MESD: variants seen among roughly 807,000 people sequenced by gnomAD.
MESD encodes the protein LRP chaperone MESD.
Under a neutral mutation model 12.9 loss-of-function variants are expected in MESD, and 7 were observed. That is an observed-to-expected ratio of 0.54 (90% CI 0.31 to 1.02). The LOEUF is 1.02. Ranked by LOEUF, MESD falls within the 50% of genes least tolerant of loss-of-function variation. MESD has a pLI of 0.05. For missense variants in MESD, 342 were observed against 296.7 expected (o/e 1.15, Z -1.12); for synonymous variants, 126 against 115.6 (o/e 1.09, Z -0.58).
At chr15:80,971,709 C>T (rs1902292266), downstream of MESD, among the ~76,000 whole-genome samples, 1 of 152,152 alleles carries the variant, frequency 6.6e-6, no homozygotes, top group African/African-American at 2.4e-5. Context: ...TCACTGCAGC[C>T]TCTATCTCTC....
rs201048326 is a variant in MESD at position 80,948,850 on chromosome 15, C to A, written c.*675G>T. ...CAGCTTCCGGCCCATCTGGGTGACA[C>A]TGGACACTGAGGATCACAAAGCCAA... On this transcript the variant is annotated 3_prime_UTR_variant, in exon 5 of 5. Transcript: ENST00000561312. The A allele has an allele frequency of 1.3e-5, 21 of 1,614,226 alleles. No homozygotes were observed. The African/African-American group carries it at 1.5e-4, about 11-fold the overall frequency.
At chr15:80,948,786 T>C (rs753616170) in exon 5 of MESD, 1 of 1,614,078 alleles carries the variant, frequency 6.2e-7, no homozygotes, top group Non-Finnish European at 8.5e-7. Context: ...AGACTCATCA[T>C]TGCTTTTCAG....
intron 3 of MESD, chr15:80,953,044 T>A: frequency 2.2e-6 from 1 of 455,536 alleles, no homozygotes; most frequent in South Asian, 1.5e-5. Context: ...GGCCTGAGAG[T>A]CAGAGATGGA....
intron 1 of MESD, among the ~76,000 whole-genome samples, chr15:80,985,002 G>A (rs180989978): frequency 9.9e-5 from 15 of 152,274 alleles, no homozygotes; most frequent in East Asian, 3.9e-4. Flanking sequence ...GAATCCTTAC[G>A]CCTCGAGGCC....
At chr15:80,972,102 A>C (rs1485234933), downstream of MESD, among the ~76,000 whole-genome samples, 1 of 152,236 alleles carries the variant, frequency 6.6e-6, no homozygotes, top group East Asian at 1.9e-4. Flanking sequence ...TGGGGACTTT[A>C]CACATGTGCT....
chr15:80,946,873 A>C, downstream of MESD: 1 of 828,694 alleles, frequency 1.2e-6, no homozygotes, highest in Admixed American at 2.0e-5. Context: ...TGCTAACTCC[A>C]GTCCCACCAT....
intron 3 of MESD, among the ~76,000 whole-genome samples, chr15:80,952,506 T>C (rs758999922): frequency 6.6e-6 from 1 of 152,252 alleles, no homozygotes; most frequent in East Asian, 1.9e-4. Flanking sequence ...GGCTACCATA[T>C]AGGATAGAGT....
downstream of MESD, among the ~76,000 whole-genome samples, chr15:80,974,823 A>G (rs1472587452): frequency 6.6e-6 from 1 of 151,008 alleles, no homozygotes; most frequent in Non-Finnish European, 1.5e-5. Flanking sequence ...CATAAGTAAA[A>G]AGGAGCTGAA....
In MESD at chr15:80,989,650, G is replaced by A. The variant is rs768816243; in HGVS notation, c.142C>T (p.Pro48Ser). The stretch of plus-strand genomic sequence containing the variant: ...CGAATATCCTTCTTCTTCTTCCGGG[G>A]AGGTGGGGTAGACTCGTCGGGCGTC... The part of the protein sequence containing the change: ...PGTPDESTPP[P>S]RKKKKDIRDY... Residue 48 changes from proline to serine, a missense_variant, in exon 1 of 3, where the codon CCC (proline) becomes TCC (serine). Pro to Ser is a moderately conservative substitution (Grantham distance 74). Coordinates refer to ENST00000261758, the MANE Select transcript of MESD (RefSeq NM_015154.3). The A allele has an allele frequency of 1.4e-5, 22 of 1,613,960 alleles. No homozygotes were observed. The highest frequency in any genetic ancestry group is 8.9e-5 in the East Asian group (4 of 44,868).
chr15:80,968,037 T>A (rs923950103), intron 3 of MESD, among the ~76,000 whole-genome samples: 1 of 152,226 alleles, frequency 6.6e-6, no homozygotes, highest in Non-Finnish European at 1.5e-5. Context: ...TGGGACCTCC[T>A]GAAATCTGCC....
chr15:80,984,485 G>C (rs1026157979), intron 1 of MESD, among the ~76,000 whole-genome samples: 1 of 152,158 alleles, frequency 6.6e-6, no homozygotes, highest in African/African-American at 2.4e-5. Context: ...AGTGAAAGAA[G>C]CCAGATATGA....
In MESD at chr15:80,958,489, C is replaced by T. The variant is rs144666490; in HGVS notation, c.*289-6193G>A. The stretch of plus-strand genomic sequence containing the variant: ...GAGACCACAGGCATGCGCCACCACA[C>T]TCAACTAATTTTTTCTATTTTTTGG... On this transcript the variant is annotated intron_variant, in intron 3 of 4. Coordinates refer to the MESD transcript ENST00000561312. 1.4e-3 allele frequency among the ~76,000 whole-genome samples: 209 copies of T among 152,306 alleles called. 1 individual carries two copies. Among genetic ancestry groups the T allele is most frequent in the African/African-American group, 4.6e-3 (191 of 41,580 alleles).
Position 80,989,695 on chromosome 15 carries a change from C to G in MESD, c.97G>C (p.Ala33Pro). The G allele has an allele frequency of 6.2e-7, 1 of 1,612,404 alleles. No homozygotes were observed. The highest frequency in any genetic ancestry group is 8.5e-7 in the Non-Finnish European group (1 of 1,179,998). Residue 33 changes from alanine to proline, a missense_variant, in exon 1 of 3, where the codon GCG becomes CCG. Transcript: ENST00000261758. ...GGCGTCCCGGGCGAGCCTTCGGCCGCGCAGGACCCAGGCGGTGGTAGCAGT... is the reference window on the plus strand; with the variant it reads ...GGCGTCCCGGGCGAGCCTTCGGCCGGGCAGGACCCAGGCGGTGGTAGCAGT... The part of the protein sequence containing the change: ...LLLLPPPGSC[A>P]AEGSPGTPDE...
intron 2 of MESD, among the ~76,000 whole-genome samples, chr15:80,980,631 C>A (rs550162120): frequency 6.6e-6 from 1 of 152,024 alleles, no homozygotes; most frequent in East Asian, 1.9e-4. Flanking sequence ...TTAGGATCAA[C>A]TGAGATATTA....
At chr15:80,954,313 T>C (rs541942532) in intron 3 of MESD, among the ~76,000 whole-genome samples, 1 of 152,368 alleles carries the variant, frequency 6.6e-6, no homozygotes, top group South Asian at 2.1e-4. Flanking sequence ...GGCAGAGTTC[T>C]GTTGGGTAAT....
In MESD at chr15:80,978,005, G is replaced by A. The variant is rs1221841593; in HGVS notation, c.*1214C>T. On this transcript the variant is annotated 3_prime_UTR_variant, in exon 3 of 3. Transcript: ENST00000261758. Reference sequence around the variant, plus strand: ...CAAATTAAGGGGAAACAGATGCTGTGAGGCCAAAACAAACATACATCACCA... The same window carrying A: ...CAAATTAAGGGGAAACAGATGCTGTAAGGCCAAAACAAACATACATCACCA... 6.6e-6 allele frequency: 1 copy of A among 152,172 alleles called. No homozygotes were observed. The highest frequency in any genetic ancestry group is 1.5e-5 in the Non-Finnish European group (1 of 68,046). 9.4% of individuals were successfully genotyped at this position (152,172 alleles called of 1,614,324 possible).
rs769085988 is a variant in MESD, at chr15:80,979,437, C to T, written c.487G>A (p.Asp163Asn). Residue 163 changes from aspartate (D) to asparagine (N), a missense_variant, in exon 3 of 3, where the codon GAT becomes AAT. Asp to Asn is a conservative substitution (Grantham distance 23, BLOSUM62 1). Transcript: ENST00000261758. Reference sequence around the variant, plus strand: ...TTGATCTCCCAGGCGTAGCTCCCATCGCGAAGCATGAAGATAGCACGGTCT... The same window carrying T: ...TTGATCTCCCAGGCGTAGCTCCCATTGCGAAGCATGAAGATAGCACGGTCT... ...GSDRAIFMLR[D>N]GSYAWEIKDF... 6.2e-6 allele frequency: 10 copies of T among 1,614,102 alleles called. No homozygotes were observed. The highest frequency in any genetic ancestry group is 1.7e-5 in the Admixed American group (1 of 60,002).
downstream of MESD, chr15:80,947,000 T>C (rs765380081): frequency 5.6e-6 from 9 of 1,613,822 alleles, no homozygotes; most frequent in East Asian, 1.8e-4. Flanking sequence ...GGAAGATACG[T>C]CTCCAGAGGC....
At chr15:80,974,580 TATAAA>T (rs1436769047), downstream of MESD, among the ~76,000 whole-genome samples, 1 of 144,106 alleles carries the variant, frequency 6.9e-6, no homozygotes, top group Admixed American at 7.0e-5. Context: ...TATTTAAAAA[TATAAA>T]ATGTGTATCA....
Sources: allele counts gnomAD v4.1 joint callset (sites outside exome capture counted in the v4.1 genomes callset), GRCh38; gene constraint gnomAD v4.1.1; transcripts MANE v1.5; gene names NCBI Gene and HGNC (gene_info 2026-07-23, HGNC 2026-07-21).